ZBTB47: variants seen among roughly 807,000 people sequenced by gnomAD.
ZBTB47 encodes zinc finger and BTB domain containing 47.
Under a neutral mutation model 56.6 loss-of-function variants are expected in ZBTB47, and 24 were observed. The observed-to-expected ratio is 0.42, with a 90% confidence interval of 0.31 to 0.60. The LOEUF is 0.60. ZBTB47 is among the 20% of genes least tolerant of loss of function. The probability of loss-of-function intolerance (pLI) is 0.14; values close to 1 mark genes in which losing one functional copy is unlikely to be tolerated. For synonymous variants in ZBTB47, 414 were observed against 418.9 expected, an observed-to-expected ratio of 0.99 and a Z score of 0.14; for missense variants, 829 against 1,032.6, an observed-to-expected ratio of 0.80 and a Z score of 2.70.
Position 42,656,736 on chromosome 3 carries a change from A to G in ZBTB47, c.-81-1539A>G, listed in dbSNP as rs1034839928. On this transcript the variant is annotated intron_variant, in intron 1 of 5. Transcript: ENST00000232974. This position sits in a 1 kb window ranked among gnomAD's most constrained non-coding sequence, Gnocchi z 5.8. ...CTCAGGGAGGCTCCTGCTGAGGCCC[A>G]CGGTAGGTTTCTCATTCAGGTGACT... 1.3e-5 allele frequency among the ~76,000 whole-genome samples: 2 copies of G among 152,036 alleles called. No homozygotes were observed. Among genetic ancestry groups the G allele is most frequent in the Non-Finnish European group, 2.9e-5 (2 of 67,972 alleles).
chr3:42,663,973 C>T lies in ZBTB47; in HGVS notation c.1882+32C>T, dbSNP rs747118187. On this transcript the variant is annotated intron_variant, in intron 5 of 5. Transcript: ENST00000232974. The surrounding 1 kb of genome is among the most constrained non-coding windows in gnomAD (Gnocchi z 5.1). ...CTGCCCCTGGGGACGGAGCTCGGTG[C>T]CGGGCCTGGGACCCCTTCTCAGCCC... The T allele has an allele frequency of 9.2e-5, 147 of 1,590,740 alleles. No individual in the cohort carries two copies. Among genetic ancestry groups the T allele is most frequent in the Middle Eastern group, 6.8e-4 (4 of 5,866 alleles).
At position 42,655,613 on chromosome 3, in the gene ZBTB47, C is replaced by T. The variant is rs114818191; in HGVS notation, c.-82+1730C>T. Among the ~76,000 whole-genome samples the T allele has an allele frequency of 6.9e-3, 1,058 of 152,254 alleles. 10 individuals are homozygous for T. The highest frequency in any genetic ancestry group is 0.024 in the African/African-American group (998 of 41,542). ...TGACCTGGACTGCAGCTGGCACAGC[C>T]GGATGGGGAGGGGCACGCATTGCTT... On this transcript the variant is annotated intron_variant, in intron 1 of 5. Transcript: ENST00000232974.
chr3:42,661,948 G>A (rs990684730), intron 3 of ZBTB47, among the ~76,000 whole-genome samples: 5 of 152,240 alleles, frequency 3.3e-5, no homozygotes, highest in Non-Finnish European at 5.9e-5. Flanking sequence ...TCCACCCAGG[G>A]AAAAGAATAC....
intron 3 of ZBTB47, 43 bp downstream of exon 3, chr3:42,661,675 G>T: frequency 6.2e-7 from 1 of 1,605,592 alleles, no homozygotes. Context: ...GGATAGAGAT[G>T]GACCAGCTTC....
In ZBTB47 at chr3:42,654,704, G is replaced by T. The variant is rs1710615714; in HGVS notation, c.-82+821G>T. ...AGCGCCACGGCACCATGGTACGCAG[G>T]GCCCTGCCTGTCCCCCCGCTTATCC... On this transcript the variant is annotated intron_variant, in intron 1 of 5. Transcript: ENST00000232974. The surrounding 1 kb of genome is among the most constrained non-coding windows in gnomAD (Gnocchi z 5.0). The T allele has an allele frequency of 1.0e-6, 1 of 984,946 alleles. No homozygotes were observed. Among genetic ancestry groups the T allele is most frequent in the Non-Finnish European group, 1.2e-6 (1 of 829,782 alleles). The allele number at this position is 984,946 out of a possible 1,614,324, so 61.0% of individuals were successfully genotyped here.
At position 42,656,342 on chromosome 3, in the gene ZBTB47, C is replaced by G. The variant is rs994012673; in HGVS notation, c.-81-1933C>G. ...TGGGGTCTAGCAAGGAAGGGGTGGT[C>G]TTAGCGGAGCTGGGAGTCCAGGGGC... On this transcript the variant is annotated intron_variant, in intron 1 of 5. Transcript: ENST00000232974. The surrounding 1 kb of genome is among the most constrained non-coding windows in gnomAD (Gnocchi z 5.8). 6.6e-6 allele frequency among the ~76,000 whole-genome samples: 1 copy of G among 152,172 alleles called. No homozygotes were observed. The highest frequency in any genetic ancestry group is 1.5e-5 in the Non-Finnish European group (1 of 68,026).
At chr3:42,664,075 C>T (rs1023252309) in intron 5 of ZBTB47, 134 bp downstream of exon 5, 18 of 1,470,400 alleles carry the variant, frequency 1.2e-5, no homozygotes, top group Non-Finnish European at 9.1e-7. Flanking sequence ...CTTCCTGCCT[C>T]CCAGGGTTGG....
Position 42,656,133 on chromosome 3 carries a change from C to A in ZBTB47, c.-81-2142C>A, listed in dbSNP as rs1374561869. On this transcript the variant is annotated intron_variant, in intron 1 of 5. Transcript: ENST00000232974. This position sits in a 1 kb window ranked among gnomAD's most constrained non-coding sequence, Gnocchi z 5.8. ...TGCCAGTCTTTGGCCCCTGGAGGCC[C>A]TAAGGAGCCCCTGTTGCAACCCAAG... 6.6e-6 allele frequency among the ~76,000 whole-genome samples: 1 copy of A among 152,192 alleles called. No homozygotes were observed.
rs1307092104 is a variant in ZBTB47, at chr3:42,656,814, G to A, written c.-81-1461G>A. ...CCTGCCCAATCCCAGCCTACCCACT[G>A]CTCTCCTGGCGATGGAAGGCCTGGC... On this transcript the variant is annotated intron_variant, in intron 1 of 5. Coordinates refer to ENST00000232974, the MANE Select transcript of ZBTB47 (RefSeq NM_145166.4). This position sits in a 1 kb window ranked among gnomAD's most constrained non-coding sequence, Gnocchi z 5.8. Among the ~76,000 whole-genome samples, 2 of 152,130 alleles carry A rather than the reference G, an allele frequency of 1.3e-5. No homozygotes were observed. The highest frequency in any genetic ancestry group is 2.9e-5 in the Non-Finnish European group (2 of 68,018).
intron 1 of ZBTB47, among the ~76,000 whole-genome samples, chr3:42,657,759 C>T (rs562096486): frequency 3.3e-5 from 5 of 152,272 alleles, no homozygotes; most frequent in Admixed American, 3.3e-4. Context: ...GCTGGGCAAG[C>T]TTGCTTTTAT....
chr3:42,658,248 C>A, intron 1 of ZBTB47, 27 bp from the exon 2 acceptor site: 1 of 1,450,932 alleles, frequency 6.9e-7, no homozygotes, highest in South Asian at 1.4e-5. Flanking sequence ...TGGCCTTGAC[C>A]CACTCCTGTG....
rs1346805684 is a variant in ZBTB47 at position 42,655,737 on chromosome 3, G to A, written c.-82+1854G>A. Among the ~76,000 whole-genome samples, 4 of 152,214 alleles carry A rather than the reference G, an allele frequency of 2.6e-5. No homozygotes were observed. In the East Asian group the frequency reaches 7.7e-4, roughly 29 times the overall value. ...GGTGGCTGAACCCTGCTGAGGGGCT[G>A]CCAATTGTGGACTCGGGCAGCATCT... On this transcript the variant is annotated intron_variant, in intron 1 of 5. Transcript: ENST00000232974.
chr3:42,658,240 G>A (rs1044173780), intron 1 of ZBTB47, 35 bp from the exon 2 acceptor site: 11 of 1,445,742 alleles, frequency 7.6e-6, no homozygotes, highest in African/African-American at 4.3e-5. Context: ...GGGCCCACTG[G>A]CCTTGACCCA....
chr3:42,658,318 C>T lies in ZBTB47; in HGVS notation c.-38C>T, dbSNP rs1414299891. 3 of 1,499,356 alleles carry T rather than the reference C, an allele frequency of 2.0e-6. No homozygotes were observed. Among genetic ancestry groups the T allele is most frequent in the Non-Finnish European group, 2.7e-6 (3 of 1,127,546 alleles). 92.9% of individuals were successfully genotyped at this position (1,499,356 alleles called of 1,614,324 possible). A position where few individuals can be genotyped will look rare whatever the true frequency, so the allele number is the denominator to read the frequency against. ...ACTGACTCCCCGGCGGCTGAGTTCT[C>T]GCTGGTGGAGGACGTGGCGCTGCAC... On this transcript the variant is annotated 5_prime_UTR_variant, in exon 2 of 6. Coordinates refer to ENST00000232974, the MANE Select transcript of ZBTB47 (RefSeq NM_145166.4).
intron 1 of ZBTB47, among the ~76,000 whole-genome samples, chr3:42,657,624 C>T (rs1477937822): frequency 1.3e-5 from 2 of 152,186 alleles, no homozygotes; most frequent in African/African-American, 4.8e-5. Flanking sequence ...TCACAGGTTT[C>T]AACTTCTGCA....
At position 42,663,050 on chromosome 3, in the gene ZBTB47, G is replaced by A. The variant is rs1049758200; in HGVS notation, c.1660G>A (p.Gly554Arg). 24 of 1,613,752 alleles carry A rather than the reference G, an allele frequency of 1.5e-5. No homozygotes were observed. In the Admixed American group the frequency reaches 1.8e-4, roughly 12 times the overall value. Reference sequence around the variant, plus strand: ...CATGCCCTTCACCTGCGAGACCTGCGGAAAGTCCTTCAAGCGCAGCATGTC... The same window carrying A: ...CATGCCCTTCACCTGCGAGACCTGCAGAAAGTCCTTCAAGCGCAGCATGTC... ...KDMPFTCETC[G>R]KSFKRSMSLK... The change falls in exon 4 of 6, where the codon GGA (glycine) becomes AGA (arginine). Residue 554 changes from glycine (G) to arginine (R), a missense_variant. Gly to Arg is a moderately radical substitution (Grantham distance 125). Coordinates refer to ENST00000232974, the MANE Select transcript of ZBTB47 (RefSeq NM_145166.4). This position sits in a 1 kb window ranked among gnomAD's most constrained non-coding sequence, Gnocchi z 5.1.
At position 42,659,190 on chromosome 3, in the gene ZBTB47, G is replaced by A; in HGVS notation, c.835G>A (p.Glu279Lys). 1 of 1,524,838 alleles carries A rather than the reference G, an allele frequency of 6.6e-7. No homozygotes were observed. Among genetic ancestry groups the A allele is most frequent in the South Asian group, 1.2e-5 (1 of 81,120 alleles). 94.5% of individuals were successfully genotyped at this position (1,524,838 alleles called of 1,614,324 possible). A position where few individuals can be genotyped will look rare whatever the true frequency, so the allele number is the denominator to read the frequency against. Residue 279 changes from glutamate to lysine, a missense_variant, in exon 2 of 6, where the codon GAG (glutamate) becomes AAG (lysine). Physicochemically the swap from Glu to Lys is moderately conservative, Grantham distance 56. Coordinates refer to ENST00000232974, the MANE Select transcript of ZBTB47 (RefSeq NM_145166.4). Reference sequence around the variant, plus strand: ...CGGGCTGCAGAGACACTCGGACGAGGAGGAGGAGGACGACGAGGAGGAGGA... The same window carrying A: ...CGGGCTGCAGAGACACTCGGACGAGAAGGAGGAGGACGACGAGGAGGAGGA... ...EDGLQRHSDEEEEDDEEEEEE... is the reference protein window; with the variant it reads ...EDGLQRHSDEKEEDDEEEEEE...
Position 42,663,106 on chromosome 3 carries a change from G to C in ZBTB47, c.1716G>C (p.Gly572=). The C allele has an allele frequency of 6.2e-7, 1 of 1,613,838 alleles. No homozygotes were observed. The highest frequency in any genetic ancestry group is 8.5e-7 in the Non-Finnish European group (1 of 1,179,704). Residue 572 remains glycine (G), a synonymous_variant, in exon 4 of 6, where the codon GGG becomes GGC. Coordinates refer to ENST00000232974, the MANE Select transcript of ZBTB47 (RefSeq NM_145166.4). This position sits in a 1 kb window ranked among gnomAD's most constrained non-coding sequence, Gnocchi z 5.1. ...SLKVHSLQHS[G]EKPFRCENCN... ...AGGTGCACTCACTGCAGCACTCAGG[G>C]GAGAAGCCGTTCAGATGTGAGGTGA...
rs1008739772 is a variant in ZBTB47 at position 42,659,285 on chromosome 3, T to C, written c.930T>C (p.Ser310=). The change falls in exon 2 of 6, where the codon AGT becomes AGC. Residue 310 remains serine, a synonymous_variant. Transcript: ENST00000232974. The part of the protein sequence containing the change: ...REEEEEEEGG[S]QGEEEEEEED... ...AGGAGGAGGAGGAAGAGGGTGGCAG[T>C]CAGGGAGAAGAGGAAGAAGAGGAGG... 1.3e-6 allele frequency: 2 copies of C among 1,497,766 alleles called. No homozygotes were observed. Among genetic ancestry groups the C allele is most frequent in the Non-Finnish European group, 1.8e-6 (2 of 1,116,952 alleles). 92.8% of individuals were successfully genotyped at this position (1,497,766 alleles called of 1,614,324 possible).
Sources: allele counts gnomAD v4.1 joint callset (sites outside exome capture counted in the v4.1 genomes callset), GRCh38; gene constraint gnomAD v4.1.1; non-coding constraint Gnocchi (gnomAD v3.1); transcripts MANE v1.5; gene names NCBI Gene and HGNC (gene_info 2026-07-23, HGNC 2026-07-21).